Variants in ILDR1 observed in about 807,000 individuals in gnomAD.
ILDR1 encodes immunoglobulin-like domain-containing receptor 1.
A neutral mutation model predicts 62.4 loss-of-function variants in ILDR1; 56 were observed. That is an observed-to-expected ratio of 0.90 (90% CI 0.72 to 1.12). The LOEUF is 1.12. Among genes scored for constraint, ILDR1 ranks in the 50% most tolerant of loss-of-function variants. The pLI is 0.00. For missense variants in ILDR1, 736 were observed against 710.6 expected (o/e 1.04, Z -0.41); for synonymous variants, 284 against 277.8 (o/e 1.02, Z -0.22).
At chr3:122,020,339 C>T (rs970529447) in intron 1 of ILDR1, among the ~76,000 whole-genome samples, 3 of 152,186 alleles carry the variant, frequency 2.0e-5, no homozygotes, top group Admixed American at 6.5e-5. Flanking sequence ...TGAATAGTTT[C>T]GTAACTTGCC....
At chr3:121,992,837 GT>G in intron 7 of ILDR1, among the ~76,000 whole-genome samples, 1 of 152,332 alleles carries the variant, frequency 6.6e-6, no homozygotes, top group Non-Finnish European at 1.5e-5. Flanking sequence ...GGCTTGCAAG[GT>G]GCTTAATCAT....
rs372613583 is a variant in ILDR1 at position 121,993,776 on chromosome 3, C to T, written c.973G>A (p.Val325Met). ...SMLSSLGSEV[V>M]ERRIIHLPPL... Reference sequence around the variant, plus strand: ...GGCAGGTGGATGATTCTGCGTTCCACGACCTCAGAGCCCAGGGAGGACAGC... The same window carrying T: ...GGCAGGTGGATGATTCTGCGTTCCATGACCTCAGAGCCCAGGGAGGACAGC... Residue 325 changes from valine to methionine, a missense_variant, in exon 7 of 8, where the codon GTG becomes ATG. Transcript: ENST00000344209. 5.0e-5 allele frequency: 80 copies of T among 1,614,022 alleles called. No individual in the cohort carries two copies. The highest frequency in any genetic ancestry group is 3.1e-4 in the East Asian group (14 of 44,884).
intron 1 of ILDR1, among the ~76,000 whole-genome samples, chr3:122,018,073 C>T (rs540563045): frequency 2.6e-5 from 4 of 152,224 alleles, no homozygotes; most frequent in South Asian, 4.2e-4. Context: ...AATCATTCTA[C>T]GATAGAGACA....
At chr3:122,046,145 C>G in the ILDR1 span, among the ~76,000 whole-genome samples, 3 of 151,888 alleles carry the variant, frequency 2.0e-5, no homozygotes, top group Middle Eastern at 6.8e-3. Context: ...GTTTGCTTGT[C>G]TGTGAAGTAT....
At chr3:122,016,136 C>T (rs563433435) in intron 1 of ILDR1, among the ~76,000 whole-genome samples, 3 of 152,342 alleles carry the variant, frequency 2.0e-5, no homozygotes, top group African/African-American at 7.2e-5. Context: ...TCTCATCTCT[C>T]ATACACACTA....
At chr3:122,023,892 A>T (rs7617517), upstream of ILDR1, among the ~76,000 whole-genome samples, 6,988 of 152,040 alleles carry the variant, frequency 0.046, 222 homozygotes, top group South Asian at 0.095. Flanking sequence ...TCCCAGCAAC[A>T]CTGTGTATGT....
intron 2 of ILDR1, 49 bp from the exon 3 acceptor site, chr3:122,005,442 C>T (rs753324959): frequency 3.1e-6 from 5 of 1,596,532 alleles, no homozygotes; most frequent in South Asian, 2.2e-5. Flanking sequence ...GGGGTTCCCA[C>T]AAAAAAAAGG....
chr3:122,048,558 C>A, the ILDR1 span, among the ~76,000 whole-genome samples: 10 of 152,136 alleles, frequency 6.6e-5, no homozygotes, highest in Non-Finnish European at 1.5e-4. Context: ...TGGTCTTGAG[C>A]TTTTCTTTAA....
chr3:122,053,236 T>C, the ILDR1 span, among the ~76,000 whole-genome samples: 2 of 152,214 alleles, frequency 1.3e-5, no homozygotes, highest in Non-Finnish European at 2.9e-5. Flanking sequence ...TTTCATGTGA[T>C]ATTGGCCATT....
the ILDR1 span, among the ~76,000 whole-genome samples, chr3:122,060,939 AC>A: frequency 3.3e-5 from 5 of 152,188 alleles, no homozygotes; most frequent in African/African-American, 1.2e-4. Context: ...GGGAAAAAAA[AC>A]CCATTAGAGT....
At chr3:122,015,811 ATC>A (rs1036551849) in intron 1 of ILDR1, among the ~76,000 whole-genome samples, 1 of 148,716 alleles carries the variant, frequency 6.7e-6, no homozygotes, top group South Asian at 2.2e-4. Flanking sequence ...TATTTCCAGA[ATC>A]TCTCTCTCTC....
the ILDR1 span, among the ~76,000 whole-genome samples, chr3:122,041,583 C>T: frequency 6.6e-6 from 1 of 152,152 alleles, no homozygotes; most frequent in African/African-American, 2.4e-5. Flanking sequence ...TAATTTCTTT[C>T]ATTGATGCTT....
chr3:122,027,753 G>A, the ILDR1 span, among the ~76,000 whole-genome samples: 8 of 152,170 alleles, frequency 5.3e-5, no homozygotes, highest in Non-Finnish European at 7.3e-5. Flanking sequence ...TGAGTTGTAT[G>A]CTTTATAATA....
chr3:122,026,100 G>A (rs1379952065), upstream of ILDR1, among the ~76,000 whole-genome samples: 2 of 152,212 alleles, frequency 1.3e-5, no homozygotes, highest in African/African-American at 2.4e-5. Context: ...GTGTGTTAGA[G>A]AGCTAGCCAG....
intron 6 of ILDR1, 41 bp from the exon 7 acceptor site, chr3:121,994,011 A>T (rs768993240): frequency 6.3e-7 from 1 of 1,580,402 alleles, no homozygotes; most frequent in East Asian, 2.2e-5. Context: ...CAAATGGCCC[A>T]AAACATACAC....
chr3:122,006,948 G>A, intron 2 of ILDR1, 43 bp downstream of exon 2: 1 of 1,584,602 alleles, frequency 6.3e-7, no homozygotes, highest in Non-Finnish European at 8.6e-7. Context: ...TGTCACAGAG[G>A]TGTCTGGGAC....
At chr3:122,050,287 C>T in the ILDR1 span, among the ~76,000 whole-genome samples, 3 of 152,246 alleles carry the variant, frequency 2.0e-5, no homozygotes, top group African/African-American at 7.2e-5. Flanking sequence ...AAAGGGGTTA[C>T]TATCAACATT....
At chr3:122,004,562 C>T (rs918257256) in intron 3 of ILDR1, among the ~76,000 whole-genome samples, 4 of 152,200 alleles carry the variant, frequency 2.6e-5, no homozygotes, top group South Asian at 2.1e-4. Flanking sequence ...GGGCTCTCAC[C>T]ACTACTCCCT....
At chr3:121,995,459 G>A (rs1239631324) in intron 5 of ILDR1, among the ~76,000 whole-genome samples, 3 of 152,168 alleles carry the variant, frequency 2.0e-5, no homozygotes, top group Non-Finnish European at 4.4e-5. Flanking sequence ...GCAGCAAAGG[G>A]GTCATCCAGT....
Sources: gnomAD v4.1 joint callset for allele counts (sites outside exome capture counted in the v4.1 genomes callset) on GRCh38, gnomAD v4.1.1 for gene constraint, MANE v1.5 for transcripts, NCBI Gene and HGNC (gene_info 2026-07-23, HGNC 2026-07-21) for gene names.